Variants in DCAF8L2 observed in about 807,000 individuals in gnomAD.
DCAF8L2 encodes the protein DDB1- and CUL4-associated factor 8-like protein 2.
For synonymous variants in DCAF8L2, 200 were observed against 190.9 expected (o/e 1.05, Z -0.39); for missense variants, 430 against 490.7 (o/e 0.88, Z 1.17).
At chrX:27,519,032 G>A in the DCAF8L2 span, 14 of 953,031 alleles carry the variant, frequency 1.5e-5, no homozygotes, top group African/African-American at 1.7e-4. Context: ...CTATACATGC[G>A]AAGAAGGAAG....
intron 1 of DCAF8L2, among the ~76,000 whole-genome samples, chrX:27,621,278 G>T (rs1291612277): frequency 9.5e-6 from 1 of 105,092 alleles, no homozygotes; most frequent in Admixed American, 1.0e-4. Flanking sequence ...GTTGCACAAT[G>T]TTATTAAGGT....
chrX:27,509,924 CATTGGTTCAAAAAATAAATAAG>C, the DCAF8L2 span, among the ~76,000 whole-genome samples: 1 of 111,386 alleles, frequency 9.0e-6, no homozygotes, highest in Non-Finnish European at 1.9e-5. Context: ...AATGAGGAAA[CATTGGTTCAAAAAATAAATAAG>C]AGGCACTTTT....
At chrX:27,726,036 C>T (rs1466243276) in intron 4 of DCAF8L2, among the ~76,000 whole-genome samples, 1 of 111,546 alleles carries the variant, frequency 9.0e-6, no homozygotes, top group African/African-American at 3.2e-5. Flanking sequence ...TAGCTATACT[C>T]TCTTGCTTGC....
chrX:27,706,664 C>T (rs1231191781), intron 3 of DCAF8L2, among the ~76,000 whole-genome samples: 2 of 111,405 alleles, frequency 1.8e-5, no homozygotes, highest in Non-Finnish European at 3.8e-5. Context: ...AAATTGGAAA[C>T]CTCATACATT....
the DCAF8L2 span, among the ~76,000 whole-genome samples, chrX:27,584,723 A>G: frequency 8.9e-6 from 1 of 111,989 alleles, no homozygotes; most frequent in Admixed American, 9.5e-5. Context: ...ACATGTGCAC[A>G]GACCCACACA....
the DCAF8L2 span, among the ~76,000 whole-genome samples, chrX:27,512,804 A>AAAAAAAC: frequency 4.0e-5 from 4 of 99,170 alleles, no homozygotes; most frequent in South Asian, 9.8e-4. Context: ...AAAAAAAAAA[A>AAAAAAAC]AAAAAACAAA....
At chrX:27,630,809 A>T (rs914725173) in intron 1 of DCAF8L2, among the ~76,000 whole-genome samples, 3 of 112,261 alleles carry the variant, frequency 2.7e-5, no homozygotes, top group African/African-American at 9.7e-5. Flanking sequence ...GCACCAGCAG[A>T]TTCTATGTCT....
chrX:27,710,317 A>G (rs962663065), intron 3 of DCAF8L2, among the ~76,000 whole-genome samples: 1 of 111,810 alleles, frequency 8.9e-6, no homozygotes, highest in Non-Finnish European at 1.9e-5. Context: ...TCCAATTTCT[A>G]TAAATTTTTA....
intron 1 of DCAF8L2, among the ~76,000 whole-genome samples, chrX:27,590,965 T>G (rs1347637430): frequency 1.1e-5 from 1 of 87,789 alleles, no homozygotes; most frequent in East Asian, 3.7e-4. Context: ...ACATTTATGT[T>G]AAATGTTTAT....
In DCAF8L2 at chrX:27,748,837, C is replaced by T. The variant is rs753320454; in HGVS notation, c.*46C>T. On this transcript the variant is annotated 3_prime_UTR_variant, in exon 5 of 5. Transcript: ENST00000451261. ...CTACATGCCACCTAAGTACACTGGA[C>T]TTTAAAATTCAGTTTGACTAATTTA... 33 of 1,124,513 alleles carry T rather than the reference C, an allele frequency of 2.9e-5. No individual in the cohort carries two copies. The highest frequency in any genetic ancestry group is 3.9e-5 in the Non-Finnish European group (33 of 852,088). The allele number at this position is 1,124,513 out of a possible 1,213,427, so 92.7% of individuals were successfully genotyped here.
At chrX:27,519,476 C>G in the DCAF8L2 span, 1 of 1,082,421 alleles carries the variant, frequency 9.2e-7, no homozygotes, top group African/African-American at 1.8e-5. Flanking sequence ...GAAGAGGAAG[C>G]TACTGAGTTG....
chrX:27,682,645 A>G (rs1444096181), intron 3 of DCAF8L2, among the ~76,000 whole-genome samples: 1 of 110,779 alleles, frequency 9.0e-6, no homozygotes, highest in Non-Finnish European at 1.9e-5. Context: ...CATATGACAA[A>G]AGATTATGGG....
the DCAF8L2 span, among the ~76,000 whole-genome samples, chrX:27,543,202 G>A: frequency 8.9e-6 from 1 of 112,140 alleles, no homozygotes; most frequent in Non-Finnish European, 1.9e-5. Flanking sequence ...TCTACATAAG[G>A]CTAGCCAGCT....
chrX:27,479,316 A>T, the DCAF8L2 span, among the ~76,000 whole-genome samples: 2 of 111,206 alleles, frequency 1.8e-5, no homozygotes, highest in African/African-American at 6.5e-5. Context: ...ACATGAAGTC[A>T]CATTTCTCGC....
the DCAF8L2 span, among the ~76,000 whole-genome samples, chrX:27,523,089 A>G: frequency 1.8e-5 from 2 of 112,093 alleles, no homozygotes; most frequent in Admixed American, 9.5e-5. Context: ...TAGCAAACAG[A>G]CATTGAATGC....
chrX:27,555,182 C>T, the DCAF8L2 span, among the ~76,000 whole-genome samples: 1 of 111,404 alleles, frequency 9.0e-6, no homozygotes, highest in South Asian at 3.7e-4. Context: ...TATAAGTGTC[C>T]AGAGATAAAA....
At chrX:27,677,249 C>T (rs1930171369) in intron 2 of DCAF8L2, among the ~76,000 whole-genome samples, 1 of 111,711 alleles carries the variant, frequency 9.0e-6, no homozygotes, top group Admixed American at 9.6e-5. Flanking sequence ...TGTGTTCTCT[C>T]TGTGCCAGGA....
intron 4 of DCAF8L2, among the ~76,000 whole-genome samples, chrX:27,721,238 A>G (rs780881862): frequency 4.3e-4 from 48 of 111,824 alleles, no homozygotes; most frequent in African/African-American, 1.5e-3. Context: ...GTTGAATATA[A>G]TGGCAGCAAA....
the DCAF8L2 span, among the ~76,000 whole-genome samples, chrX:27,491,004 A>G: frequency 9.0e-6 from 1 of 110,984 alleles, no homozygotes; most frequent in Admixed American, 9.6e-5. Flanking sequence ...TATAGCCTGG[A>G]CTCACTTTTA....
Sources: gnomAD v4.1 joint callset for allele counts (sites outside exome capture counted in the v4.1 genomes callset) on GRCh38, gnomAD v4.1.1 for gene constraint, MANE v1.5 for transcripts, NCBI Gene and HGNC (gene_info 2026-07-23, HGNC 2026-07-21) for gene names.